Variants in FRRS1 observed in about 807,000 individuals in gnomAD.
The protein encoded by FRRS1 is ferric chelate reductase 1, also known as ferric reductase 1.
A neutral mutation model predicts 70.7 loss-of-function variants in FRRS1; 51 were observed. That is an observed-to-expected ratio of 0.72 (90% CI 0.58 to 0.91). FRRS1 has a LOEUF of 0.91. FRRS1 is among the 40% of genes least tolerant of loss of function. FRRS1 has a pLI of 0.00. For synonymous variants in FRRS1, 225 were observed against 238.7 expected, an observed-to-expected ratio of 0.94 and a Z score of 0.53; for missense variants, 672 against 726.0, an observed-to-expected ratio of 0.93 and a Z score of 0.86.
chr1:99,736,833 T>A (rs1259500449), intron 7 of FRRS1, among the ~76,000 whole-genome samples: 1 of 142,936 alleles, frequency 7.0e-6, no homozygotes, highest in African/African-American at 2.6e-5. Flanking sequence ...TTAGGACAAT[T>A]AAAAAAAAAA....
Position 99,707,511 on chromosome 1 carries a change from T to C in FRRS1, c.*1517A>G, listed in dbSNP as rs1170260822. Among the ~76,000 whole-genome samples the C allele has an allele frequency of 6.6e-6, 1 of 152,136 alleles. No homozygotes were observed. The highest frequency in any genetic ancestry group is 1.5e-5 in the Non-Finnish European group (1 of 68,014). ...GACTTGTAAAAACAAATATCAATTA[T>C]TATAAATAATCACAGAAAACAAATA... On this transcript the variant is annotated 3_prime_UTR_variant, in exon 17 of 17. Transcript: ENST00000646001.
At chr1:99,755,465 G>A (rs1359461653) in intron 1 of FRRS1, among the ~76,000 whole-genome samples, 2 of 151,892 alleles carry the variant, frequency 1.3e-5, no homozygotes, top group Non-Finnish European at 2.9e-5. Context: ...AGGAAGGGAA[G>A]GAAGATCACT....
intron 7 of FRRS1, among the ~76,000 whole-genome samples, chr1:99,734,960 C>T (rs188664799): frequency 5.3e-5 from 8 of 152,124 alleles, no homozygotes; most frequent in East Asian, 1.9e-4. Context: ...GATGATACAG[C>T]GCAGTGGAAG....
At chr1:99,740,025 G>A (rs191524709) in intron 6 of FRRS1, among the ~76,000 whole-genome samples, 2 of 151,800 alleles carry the variant, frequency 1.3e-5, no homozygotes, top group Non-Finnish European at 2.9e-5. Context: ...TAAATCAGAG[G>A]GCCTAGATGA....
At chr1:99,757,152 A>G (rs1656877985) in intron 1 of FRRS1, among the ~76,000 whole-genome samples, 1 of 151,852 alleles carries the variant, frequency 6.6e-6, no homozygotes, top group Non-Finnish European at 1.5e-5. Context: ...ATATTTTTAC[A>G]TTATAACCCA....
At chr1:99,748,529 A>C (rs1656401477) in intron 3 of FRRS1, 44 bp downstream of exon 3, 1 of 1,400,840 alleles carries the variant, frequency 7.1e-7, no homozygotes, top group Non-Finnish European at 1.0e-6. Context: ...TAAACAGTAA[A>C]AGAGTGAAAT....
Position 99,706,167 on chromosome 1 carries a change from G to C in FRRS1, c.*2861C>G, listed in dbSNP as rs919074250. Among the ~76,000 whole-genome samples the C allele has an allele frequency of 6.6e-6, 1 of 151,384 alleles. No individual in the cohort carries two copies. Among genetic ancestry groups the C allele is most frequent in the Non-Finnish European group, 1.5e-5 (1 of 67,946 alleles). ...TTTGGGAGTCTGAGGCAAGGGGATT[G>C]CTTGAGCCCAGGAGTTCGAGATCAG... is the stretch of plus-strand genomic sequence containing the variant. On this transcript the variant is annotated 3_prime_UTR_variant, in exon 17 of 17. Transcript: ENST00000646001.
intron 8 of FRRS1, 31 bp downstream of exon 8, chr1:99,729,619 A>G: frequency 1.4e-6 from 2 of 1,391,764 alleles, no homozygotes; most frequent in Non-Finnish European, 2.0e-6. Flanking sequence ...GCGGGTCTCC[A>G]GGTGGAGGTT....
chr1:99,728,427 A>C, intron 9 of FRRS1, 66 bp downstream of exon 9: 1 of 1,370,264 alleles, frequency 7.3e-7, no homozygotes, highest in South Asian at 1.5e-5. Context: ...TTTTCCAAAA[A>C]TGGGGGAAAG....
chr1:99,760,505 G>A (rs1356531807), intron 1 of FRRS1, among the ~76,000 whole-genome samples: 2 of 152,132 alleles, frequency 1.3e-5, no homozygotes, highest in African/African-American at 4.8e-5. Flanking sequence ...TTTCACAGAA[G>A]GAAGTGAAGA....
intron 1 of FRRS1, among the ~76,000 whole-genome samples, chr1:99,755,478 T>G (rs1656788184): frequency 6.6e-6 from 1 of 152,122 alleles, no homozygotes; most frequent in Admixed American, 6.5e-5. Context: ...AGATCACTAT[T>G]TAATCGACTT....
In FRRS1 at chr1:99,712,092, C is replaced by A; in HGVS notation, c.1480+13G>T. 1 of 1,577,892 alleles carries A rather than the reference C, an allele frequency of 6.3e-7. No homozygotes were observed. The highest frequency in any genetic ancestry group is 2.2e-5 in the East Asian group (1 of 44,574). On this transcript the variant is annotated intron_variant, in intron 14 of 16. Transcript: ENST00000646001. ...GCAATTATATATGAATAAGTGGCAT[C>A]ACAATCTCTTACCTGCTATTATTCT... is the stretch of plus-strand genomic sequence containing the variant.
At chr1:99,747,522 C>T in intron 3 of FRRS1, 92 bp from the exon 4 acceptor site, 1 of 1,185,922 alleles carries the variant, frequency 8.4e-7, no homozygotes, top group Non-Finnish European at 1.2e-6. Context: ...ATGAGGTCTA[C>T]ATATGCAAAA....
At chr1:99,726,887 G>T (rs1042108813) in intron 9 of FRRS1, among the ~76,000 whole-genome samples, 1 of 152,038 alleles carries the variant, frequency 6.6e-6, no homozygotes, top group Non-Finnish European at 1.5e-5. Flanking sequence ...CTATTTTTTT[G>T]TTGTTGTTTT....
intron 5 of FRRS1, 63 bp from the exon 6 acceptor site, chr1:99,741,003 G>T: frequency 4.4e-6 from 6 of 1,367,030 alleles, no homozygotes; most frequent in Non-Finnish European, 6.1e-6. Flanking sequence ...AGATCAAAAC[G>T]TTAAAGGAAA....
chr1:99,757,313 T>C (rs2100998719), intron 1 of FRRS1, among the ~76,000 whole-genome samples: 1 of 152,300 alleles, frequency 6.6e-6, no homozygotes, highest in East Asian at 1.9e-4. Flanking sequence ...CTGATGAACA[T>C]TACTTTATGG....
rs143774581 is a variant in FRRS1 at position 99,715,650 on chromosome 1, G to C, written c.1259C>G (p.Thr420Ser). Residue 420 changes from threonine (T) to serine (S), a missense_variant, in exon 12 of 17, where the codon ACC (threonine) becomes AGC (serine). Physicochemically the swap from Thr to Ser is moderately conservative, Grantham distance 58 (BLOSUM62 1). Transcript: ENST00000646001. ...AGCAATGCAGGTGAGGACAGTTGTG[G>C]TGAACATGAGCATCCGATGCACCTG... The part of the protein sequence containing the change: ...WFQVHRMLMF[T>S]TTVLTCIAFV... 3.3e-5 allele frequency: 54 copies of C among 1,612,888 alleles called. No homozygotes were observed. Among genetic ancestry groups the C allele is most frequent in the Non-Finnish European group, 4.1e-5 (48 of 1,179,070 alleles).
Position 99,708,824 on chromosome 1 carries a change from G to T in FRRS1, c.*204C>A. ...CCTTTAAGACCCAGAATTACATATA[G>T]GGCATGACATTAATTTATAGTCTAT... On this transcript the variant is annotated 3_prime_UTR_variant, in exon 17 of 17. Coordinates refer to ENST00000646001, the MANE Select transcript of FRRS1 (RefSeq NM_001361041.2). 1.0e-6 allele frequency: 1 copy of T among 980,466 alleles called. No individual in the cohort carries two copies. Among genetic ancestry groups the T allele is most frequent in the Non-Finnish European group, 1.6e-6 (1 of 628,542 alleles). 60.7% of individuals were successfully genotyped at this position (980,466 alleles called of 1,614,324 possible).
intron 7 of FRRS1, among the ~76,000 whole-genome samples, chr1:99,731,718 T>C (rs1295742967): frequency 1.3e-5 from 2 of 152,232 alleles, no homozygotes; most frequent in Non-Finnish European, 2.9e-5. Flanking sequence ...CTATGGCTGC[T>C]TTTATACTAC....
Sources: gnomAD v4.1 joint callset for allele counts (sites outside exome capture counted in the v4.1 genomes callset) on GRCh38, gnomAD v4.1.1 for gene constraint, MANE v1.5 for transcripts, NCBI Gene and HGNC (gene_info 2026-07-23, HGNC 2026-07-21) for gene names.